RHOT1: variants seen among roughly 807,000 people sequenced by gnomAD.
RHOT1 encodes the protein mitochondrial Rho GTPase 1.
RHOT1 carries 27 observed loss-of-function variants against 95.3 expected under a neutral mutation model. The observed-to-expected ratio is 0.28, with a 90% CI of 0.21 to 0.39. The LOEUF is 0.39. RHOT1 is among the 10% of genes least tolerant of loss of function. The pLI is 1.00. For synonymous variants in RHOT1, 227 were observed against 263.5 expected (o/e 0.86, Z 1.34); for missense variants, 578 against 786.7 (o/e 0.73, Z 3.17).
rs186004599 is a variant in RHOT1 at position 32,167,903 on chromosome 17, C to T, written c.38-3140C>T. ...TTAAAAAATTCACTGGATGTGGTGG[C>T]GTGGCCTGTGATACTAGCTACTCAG... is the stretch of plus-strand genomic sequence containing the variant. On this transcript the variant is annotated intron_variant, in intron 1 of 19. Transcript: ENST00000545287. Among the ~76,000 whole-genome samples the T allele has an allele frequency of 2.5e-4, 38 of 151,838 alleles. 1 individual carries two copies. In the East Asian group the frequency reaches 3.9e-3, roughly 15 times the overall value.
chr17:32,150,331 A>G (rs1452460372), intron 1 of RHOT1: 3 of 325,002 alleles, frequency 9.2e-6, no homozygotes, highest in Non-Finnish European at 1.7e-5. Context: ...TCCCTTTCCA[A>G]TTTTGAACTT....
chr17:32,162,609 T>C (rs1269016277), intron 1 of RHOT1, among the ~76,000 whole-genome samples: 1 of 152,200 alleles, frequency 6.6e-6, no homozygotes, highest in Admixed American at 6.5e-5. Context: ...AGTACCACTG[T>C]GCTTGGGCCA....
chr17:32,191,084 C>T (rs376490191), intron 8 of RHOT1, among the ~76,000 whole-genome samples: 2 of 152,112 alleles, frequency 1.3e-5, no homozygotes, highest in Admixed American at 6.6e-5. Context: ...TGTGAGCCAC[C>T]GCGCCCAGCC....
intron 8 of RHOT1, 107 bp from the exon 9 acceptor site, chr17:32,192,094 C>T (rs551817225): frequency 2.1e-5 from 13 of 633,800 alleles, no homozygotes; most frequent in African/African-American, 1.9e-4. Context: ...GTTCATTTTT[C>T]CATGTTGGTT....
chr17:32,199,635 T>C, intron 13 of RHOT1, 85 bp downstream of exon 13: 4 of 1,155,006 alleles, frequency 3.5e-6, no homozygotes, highest in Non-Finnish European at 4.8e-6. Flanking sequence ...TGTAAGCTTG[T>C]GAGGCATTAT....
chr17:32,199,348 G>T, intron 12 of RHOT1, 57 bp from the exon 13 acceptor site: 2 of 1,513,184 alleles, frequency 1.3e-6, no homozygotes, highest in South Asian at 2.5e-5. Context: ...GGGGGCTTTT[G>T]AGTTGGGAAT....
chr17:32,165,057 G>A (rs1446702666), intron 1 of RHOT1, among the ~76,000 whole-genome samples: 2 of 151,600 alleles, frequency 1.3e-5, no homozygotes, highest in Non-Finnish European at 2.9e-5. Context: ...AAACAGGGCC[G>A]GGCGTGGGCG....
At chr17:32,202,281 C>T (rs1256646481) in intron 14 of RHOT1, among the ~76,000 whole-genome samples, 2 of 152,150 alleles carry the variant, frequency 1.3e-5, no homozygotes, top group Non-Finnish European at 2.9e-5. Flanking sequence ...TCTGGCATGC[C>T]TCTTTTACAG....
chr17:32,187,415 G>C (rs2036143475), intron 8 of RHOT1, among the ~76,000 whole-genome samples: 1 of 151,808 alleles, frequency 6.6e-6, no homozygotes, highest in South Asian at 2.1e-4. Context: ...ACCACACCCA[G>C]CTTGAGGTGA....
At chr17:32,209,207 T>G in intron 18 of RHOT1, 1 of 426,064 alleles carries the variant, frequency 2.3e-6, no homozygotes. Context: ...TGCTATTTTA[T>G]TACCTAATAC....
chr17:32,201,551 G>A (rs2037320265), intron 14 of RHOT1, among the ~76,000 whole-genome samples: 2 of 152,132 alleles, frequency 1.3e-5, no homozygotes, highest in African/African-American at 4.8e-5. Context: ...CATATCTTAT[G>A]GGAAGCCCTA....
At chr17:32,214,518 G>A (rs2038330831) in intron 19 of RHOT1, among the ~76,000 whole-genome samples, 1 of 152,158 alleles carries the variant, frequency 6.6e-6, no homozygotes, top group African/African-American at 2.4e-5. Flanking sequence ...TAGAGGCCAA[G>A]GAAAAGGACA....
chr17:32,149,635 A>ATATATATATGTGTGTGTGTGTG (rs1445281403), intron 1 of RHOT1, among the ~76,000 whole-genome samples: 1 of 59,098 alleles, frequency 1.7e-5, no homozygotes. Context: ...ATATATATAT[A>ATATATATATGTGTGTGTGTGTG]TGTGTGTGTG....
chr17:32,208,338 T>G (rs951113682), intron 18 of RHOT1, 29 bp downstream of exon 18: 3 of 1,584,182 alleles, frequency 1.9e-6, no homozygotes, highest in African/African-American at 2.7e-5. Context: ...CATTTTCATG[T>G]TGCATGGTTC....
At chr17:32,170,116 C>A (rs1011958772) in intron 1 of RHOT1, among the ~76,000 whole-genome samples, 18 of 151,882 alleles carry the variant, frequency 1.2e-4, no homozygotes, top group Admixed American at 8.5e-4. Flanking sequence ...ATACAACTAT[C>A]AAAAATAATG....
At chr17:32,155,457 G>A (rs2032859856) in intron 1 of RHOT1, among the ~76,000 whole-genome samples, 1 of 151,284 alleles carries the variant, frequency 6.6e-6, no homozygotes, top group South Asian at 2.1e-4. Flanking sequence ...ACTGCGCCCA[G>A]CCTAAATGCA....
chr17:32,204,085 ATT>A, intron 16 of RHOT1, 112 bp downstream of exon 16: 1 of 676,642 alleles, frequency 1.5e-6, no homozygotes, highest in Non-Finnish European at 2.4e-6. Flanking sequence ...CTTCTGTGTG[ATT>A]TTTTTTTTAT....
chr17:32,151,397 G>T, intron 1 of RHOT1: 1 of 642,226 alleles, frequency 1.6e-6, no homozygotes, highest in Non-Finnish European at 2.8e-6. Context: ...GGATGACAGA[G>T]TGAAACTGGG....
At chr17:32,211,067 A>G (rs769459016) in intron 18 of RHOT1, 49 bp from the exon 19 acceptor site, 7 of 1,552,812 alleles carry the variant, frequency 4.5e-6, no homozygotes, top group African/African-American at 1.4e-5. Flanking sequence ...GACTTGTGCC[A>G]TATTTGTAAG....
Sources: gnomAD v4.1 joint callset for allele counts (sites outside exome capture counted in the v4.1 genomes callset) on GRCh38, gnomAD v4.1.1 for gene constraint, MANE v1.5 for transcripts, NCBI Gene and HGNC (gene_info 2026-07-23, HGNC 2026-07-21) for gene names.